Variants in DPP8 observed in about 807,000 individuals in gnomAD.
The protein encoded by DPP8 is dipeptidyl peptidase 8.
DPP8 carries 31 observed loss-of-function variants against 107.5 expected under a neutral mutation model. The ratio of observed to expected loss-of-function variants is 0.29; its 90% CI spans 0.22 to 0.39. The LOEUF is 0.39. Ranked by LOEUF, DPP8 falls within the 10% of genes least tolerant of loss-of-function variation. The pLI, the probability that DPP8 is intolerant of heterozygous loss-of-function variation, is 1.00. For synonymous variants in DPP8, 381 were observed against 356.6 expected (o/e 1.07, Z -0.77); for missense variants, 842 against 1,076.1 (o/e 0.78, Z 3.04).
intron 6 of DPP8, 146 bp downstream of exon 6, chr15:65,490,043 T>C (rs942024410): frequency 6.2e-5 from 38 of 615,420 alleles, no homozygotes; most frequent in South Asian, 4.0e-4. Context: ...TAAATAACTA[T>C]GGGCATGAAT....
chr15:65,449,971 A>T (rs769662576), intron 19 of DPP8, among the ~76,000 whole-genome samples: 2 of 105,218 alleles, frequency 1.9e-5, no homozygotes, highest in African/African-American at 6.7e-5. Flanking sequence ...TATTATTATT[A>T]TTATTTTTTT....
chr15:65,511,564 T>A (rs1286770578), intron 2 of DPP8, among the ~76,000 whole-genome samples: 6 of 142,456 alleles, frequency 4.2e-5, no homozygotes, highest in Non-Finnish European at 7.5e-5. Flanking sequence ...TGTTTGAGCC[T>A]GGGAGGTCAA....
chr15:65,449,361 C>CAGTATCAAAGAAT (rs1478460731), intron 19 of DPP8, among the ~76,000 whole-genome samples: 3 of 150,676 alleles, frequency 2.0e-5, no homozygotes, highest in Non-Finnish European at 4.4e-5. Flanking sequence ...AGTTTTGGTA[C>CAGTATCAAAGAAT]AGTATCAAAG....
At chr15:65,468,926 C>T (rs2065601743) in intron 12 of DPP8, among the ~76,000 whole-genome samples, 1 of 152,060 alleles carries the variant, frequency 6.6e-6, no homozygotes, top group South Asian at 2.1e-4. Flanking sequence ...TTACTAAGCC[C>T]CACCACCAGA....
chr15:65,481,883 TAAC>T (rs1004824581), intron 8 of DPP8, among the ~76,000 whole-genome samples: 7 of 152,044 alleles, frequency 4.6e-5, no homozygotes, highest in Non-Finnish European at 7.4e-5. Flanking sequence ...CACTTGATAA[TAAC>T]TAGTAAAATC....
chr15:65,483,266 T>C (rs1182865799), intron 8 of DPP8, among the ~76,000 whole-genome samples: 1 of 152,116 alleles, frequency 6.6e-6, no homozygotes, highest in Non-Finnish European at 1.5e-5. Flanking sequence ...GGCTCACACC[T>C]GTAATCCCAG....
chr15:65,464,451 G>A (rs1030758304), intron 14 of DPP8, among the ~76,000 whole-genome samples: 2 of 152,138 alleles, frequency 1.3e-5, no homozygotes, highest in Admixed American at 6.6e-5. Flanking sequence ...GGAGGCTGAG[G>A]TGGGTGGATT....
At chr15:65,511,838 C>A in intron 2 of DPP8, 8 of 236,596 alleles carry the variant, frequency 3.4e-5, no homozygotes, top group South Asian at 1.0e-4. Flanking sequence ...AAAAATTTAA[C>A]AAACAAGAAA....
In DPP8 at chr15:65,512,387, T is replaced by C. The variant is rs754449544; in HGVS notation, c.167A>G (p.His56Arg). 1.9e-6 allele frequency: 3 copies of C among 1,614,120 alleles called. No individual in the cohort carries two copies. In the South Asian group the frequency reaches 3.3e-5, roughly 18 times the overall value. ...TGGTGCCTTAGCCATCATGTAGCCATGATATTTTCTGGTATCGGCAAGCAG... is the reference window on the plus strand; with the variant it reads ...TGGTGCCTTAGCCATCATGTAGCCACGATATTTTCTGGTATCGGCAAGCAG... ...KKLLADTRKY[H>R]GYMMAKAPHD... The change falls in exon 2 of 20, where the codon CAT becomes CGT. Residue 56 changes from histidine to arginine, a missense_variant. By Grantham distance (29) the His-to-Arg change is conservative. Around this residue, in one of 2 missense-constraint regions of DPP8, gnomAD observed 663 missense variants for 758.0 expected, o/e 0.87. Coordinates refer to ENST00000300141, the MANE Select transcript of DPP8 (RefSeq NM_130434.5).
chr15:65,463,800 C>A lies in DPP8; in HGVS notation c.1932G>T (p.Lys644Asn). ...LYKPHDLQPG[K>N]KYPTVLFIYG... ...ATATGAACAGCACAGTAGGATATTT[C>A]TTTCCAGGCTGTAGATCATGAGGCT... The change falls in exon 15 of 20, where the codon AAG (lysine) becomes AAT (asparagine). Residue 644 changes from lysine (K) to asparagine (N), a missense_variant. This residue lies in a region of DPP8 where 179 missense variants were observed against 318.0 expected (regional missense o/e 0.56). Transcript: ENST00000300141. The A allele has an allele frequency of 2.5e-6, 4 of 1,613,420 alleles. No homozygotes were observed. Among genetic ancestry groups the A allele is most frequent in the Non-Finnish European group, 2.5e-6 (3 of 1,179,534 alleles).
intron 1 of DPP8, among the ~76,000 whole-genome samples, chr15:65,513,441 T>C (rs1354705716): frequency 6.6e-6 from 1 of 152,190 alleles, no homozygotes; most frequent in Admixed American, 6.5e-5. Flanking sequence ...CTTGATCTCC[T>C]GACCTTGTGA....
At chr15:65,487,155 T>C (rs1055571643) in intron 7 of DPP8, among the ~76,000 whole-genome samples, 2 of 150,678 alleles carry the variant, frequency 1.3e-5, no homozygotes, top group Admixed American at 1.3e-4. Flanking sequence ...GACACCTTCT[T>C]TTTTTTTTTC....
At chr15:65,457,374 G>T (rs651792) in intron 15 of DPP8, among the ~76,000 whole-genome samples, 9,175 of 151,900 alleles carry the variant, frequency 0.06, 281 homozygotes, top group African/African-American at 0.082. Flanking sequence ...AACAAAAAAA[G>T]TCATACTTTT....
intron 12 of DPP8, among the ~76,000 whole-genome samples, 177 bp from the exon 13 acceptor site, chr15:65,467,400 A>G (rs565341973): frequency 6.6e-6 from 1 of 152,228 alleles, no homozygotes; most frequent in African/African-American, 2.4e-5. Flanking sequence ...TTTTTTAAAG[A>G]GTTGAGGTCT....
chr15:65,458,455 T>G (rs1246833449), intron 15 of DPP8: 2 of 152,080 alleles, frequency 1.3e-5, no homozygotes, highest in East Asian at 3.9e-4. Context: ...AGGTCGGGGT[T>G]TCACCATGTT....
In DPP8 at chr15:65,445,430, A is replaced by C. The variant is rs530810093; in HGVS notation, c.*1454T>G. On this transcript the variant is annotated 3_prime_UTR_variant, in exon 20 of 20. Coordinates refer to ENST00000300141, the MANE Select transcript of DPP8 (RefSeq NM_130434.5). Reference sequence around the variant, plus strand: ...ACCAATCTAGCACCCCAAGACTCTAACAGGGCAGATCTCAATTAGCACCTG... The same window carrying C: ...ACCAATCTAGCACCCCAAGACTCTACCAGGGCAGATCTCAATTAGCACCTG... 1 of 153,042 alleles carries C rather than the reference A, an allele frequency of 6.5e-6. No individual in the cohort carries two copies. Among genetic ancestry groups the C allele is most frequent in the East Asian group, 1.9e-4 (1 of 5,184 alleles). The allele number at this position is 153,042 out of a possible 1,614,324, so 9.5% of individuals were successfully genotyped here. A position where few individuals can be genotyped will look rare whatever the true frequency, so the allele number is the denominator to read the frequency against.
chr15:65,448,909 TA>T, intron 19 of DPP8, among the ~76,000 whole-genome samples: 2 of 87,842 alleles, frequency 2.3e-5, no homozygotes, highest in African/African-American at 8.8e-5. Context: ...TATATATATA[TA>T]TATATATATA....
At chr15:65,510,930 T>G (rs1162423145) in intron 2 of DPP8, among the ~76,000 whole-genome samples, 2 of 152,308 alleles carry the variant, frequency 1.3e-5, no homozygotes, top group East Asian at 3.9e-4. Context: ...TTCGCTAATC[T>G]GACTGGGAAA....
intron 12 of DPP8, among the ~76,000 whole-genome samples, chr15:65,470,919 C>CAAAAAAAAAAA (rs773144225): frequency 3.6e-5 from 4 of 110,790 alleles, no homozygotes; most frequent in African/African-American, 1.4e-4. Context: ...ACTCTTATCT[C>CAAAAAAAAAAA]AAAAAAAAAA....
Sources: allele counts gnomAD v4.1 joint callset (sites outside exome capture counted in the v4.1 genomes callset), GRCh38; gene constraint gnomAD v4.1.1; regional missense constraint gnomAD v4.1.1; transcripts MANE v1.5; gene names NCBI Gene and HGNC (gene_info 2026-07-23, HGNC 2026-07-21).